ERC2: variants seen among roughly 807,000 people sequenced by gnomAD.
ERC2 encodes the protein ELKS/RAB6-interacting/CAST family member 2.
A neutral mutation model predicts 114.8 loss-of-function variants in ERC2; 42 were observed. The observed-to-expected ratio is 0.37, with a 90% confidence interval of 0.29 to 0.47. ERC2 has a LOEUF of 0.47. Among genes scored for constraint, ERC2 ranks in the 20% least tolerant of loss-of-function variants. ERC2 has a pLI of 0.99. For missense variants in ERC2, 939 were observed against 1,150.7 expected (o/e 0.82, Z 2.66); for synonymous variants, 454 against 425.5 (o/e 1.07, Z -0.82).
At chr3:56,418,258 T>G (rs552170411) in intron 2 of ERC2, among the ~76,000 whole-genome samples, 4 of 145,312 alleles carry the variant, frequency 2.8e-5, no homozygotes, top group Non-Finnish European at 5.9e-5. Flanking sequence ...TGATTGCCAC[T>G]GCACCCCAGC....
intron 17 of ERC2, among the ~76,000 whole-genome samples, chr3:55,551,366 T>C (rs1410401325): frequency 6.6e-6 from 1 of 150,642 alleles, no homozygotes; most frequent in Non-Finnish European, 1.5e-5. Context: ...CTACTGAAAA[T>C]ACAAAAACTA....
At chr3:55,594,055 A>G (rs1188919044) in intron 17 of ERC2, among the ~76,000 whole-genome samples, 1 of 152,110 alleles carries the variant, frequency 6.6e-6, no homozygotes, top group Non-Finnish European at 1.5e-5. Flanking sequence ...TGTGCCTGGA[A>G]CTGTCTCCCT....
At chr3:55,521,491 A>T (rs539967047) in intron 17 of ERC2, among the ~76,000 whole-genome samples, 1 of 152,218 alleles carries the variant, frequency 6.6e-6, no homozygotes, top group East Asian at 1.9e-4. Flanking sequence ...TTGGAGAAGA[A>T]GAGAGAGAGA....
intron 2 of ERC2, among the ~76,000 whole-genome samples, chr3:56,397,104 C>T (rs1010789825): frequency 1.8e-4 from 28 of 152,292 alleles, no homozygotes; most frequent in African/African-American, 6.7e-4. Flanking sequence ...GTTTCAGCAG[C>T]ATGTCGGGGC....
At chr3:56,322,638 G>A (rs976307341) in intron 2 of ERC2, among the ~76,000 whole-genome samples, 6 of 151,752 alleles carry the variant, frequency 4.0e-5, no homozygotes, top group Middle Eastern at 6.8e-3. Context: ...GATGTAGAAC[G>A]AGGTGAGCAT....
At chr3:55,990,047 A>T (rs2070935065) in intron 11 of ERC2, among the ~76,000 whole-genome samples, 1 of 152,172 alleles carries the variant, frequency 6.6e-6, no homozygotes, top group Non-Finnish European at 1.5e-5. Flanking sequence ...AAGAGACATG[A>T]TCATAACTTT....
intron 7 of ERC2, among the ~76,000 whole-genome samples, chr3:56,046,957 C>A (rs1477915040): frequency 2.0e-5 from 3 of 152,166 alleles, no homozygotes; most frequent in Admixed American, 2.0e-4. Flanking sequence ...AGATTCATTC[C>A]GCTAGTGGAA....
chr3:56,331,248 A>G lies in ERC2; in HGVS notation c.658-34813T>C, dbSNP rs201237847. 3.2e-3 allele frequency among the ~76,000 whole-genome samples: 489 copies of G among 152,174 alleles called. 10 individuals carry two copies. The East Asian group carries it at 0.061, about 19-fold the overall frequency. On this transcript the variant is annotated intron_variant, in intron 2 of 17. Coordinates refer to ENST00000288221, the MANE Select transcript of ERC2 (RefSeq NM_015576.3). ...CTAAAGTTCTTCATCCCTGCCCTTT[A>G]TTGTCTAAGTCTTTGATCTGCCTTT... is the stretch of plus-strand genomic sequence containing the variant.
intron 2 of ERC2, among the ~76,000 whole-genome samples, chr3:56,394,980 CA>C (rs568748125): frequency 2.8e-4 from 42 of 148,744 alleles, no homozygotes; most frequent in Admixed American, 2.1e-3. Flanking sequence ...TATCTGGCAA[CA>C]AAAGGAATAA....
intron 10 of ERC2, among the ~76,000 whole-genome samples, chr3:56,006,346 A>T (rs1457185620): frequency 2.6e-5 from 4 of 152,040 alleles, no homozygotes; most frequent in Admixed American, 2.6e-4. Flanking sequence ...ATAAATCCCC[A>T]TCCCGGTGTG....
chr3:56,465,226 C>T (rs2063489778), intron 1 of ERC2, among the ~76,000 whole-genome samples: 1 of 152,100 alleles, frequency 6.6e-6, no homozygotes, highest in Non-Finnish European at 1.5e-5. Context: ...TGGTGAAACC[C>T]AGTCTGTACT....
chr3:56,155,999 A>G (rs1459481238), intron 4 of ERC2, among the ~76,000 whole-genome samples: 1 of 152,158 alleles, frequency 6.6e-6, no homozygotes, highest in Non-Finnish European at 1.5e-5. Context: ...CTAGGTTCTG[A>G]AAGCGAGTCA....
At chr3:55,921,176 A>G (rs912894867) in intron 13 of ERC2, among the ~76,000 whole-genome samples, 3 of 152,172 alleles carry the variant, frequency 2.0e-5, no homozygotes, top group African/African-American at 7.2e-5. Context: ...TAGCGGCTTC[A>G]ATTGAATCAG....
intron 1 of ERC2, among the ~76,000 whole-genome samples, chr3:56,459,104 C>T (rs1195494304): frequency 6.6e-6 from 1 of 152,170 alleles, no homozygotes; most frequent in Non-Finnish European, 1.5e-5. Flanking sequence ...GCTCCCAGAC[C>T]CCAAACCCAC....
chr3:55,822,203 C>T (rs1227243917), intron 14 of ERC2, among the ~76,000 whole-genome samples: 1 of 152,102 alleles, frequency 6.6e-6, no homozygotes, highest in Non-Finnish European at 1.5e-5. Context: ...TGCAGTTGTT[C>T]AAGAGATTGT....
intron 2 of ERC2, among the ~76,000 whole-genome samples, chr3:56,299,324 T>A (rs981600909): frequency 6.0e-5 from 9 of 151,050 alleles, no homozygotes; most frequent in African/African-American, 2.0e-4. Context: ...GAGACAGGGT[T>A]TCACAGTGTT....
chr3:56,450,167 A>C (rs2062765680), intron 1 of ERC2, among the ~76,000 whole-genome samples: 1 of 152,216 alleles, frequency 6.6e-6, no homozygotes, highest in African/African-American at 2.4e-5. Context: ...TTCTCCAAAA[A>C]GCTCTATGAA....
At position 56,159,921 on chromosome 3, in the gene ERC2, T is replaced by C. The variant is rs142358957; in HGVS notation, c.1150-10789A>G. 2.1e-3 allele frequency among the ~76,000 whole-genome samples: 318 copies of C among 152,336 alleles called. 1 individual carries two copies. The highest frequency in any genetic ancestry group is 7.3e-3 in the African/African-American group (303 of 41,588). On this transcript the variant is annotated intron_variant, in intron 4 of 17. Coordinates refer to ENST00000288221, the MANE Select transcript of ERC2 (RefSeq NM_015576.3). ...ATCTAGTACACCATTAATGGGCACC[T>C]AGGTTGATTGCATGTCTTTGCTATG...
At chr3:56,231,205 A>T (rs2050595954) in intron 3 of ERC2, among the ~76,000 whole-genome samples, 1 of 152,218 alleles carries the variant, frequency 6.6e-6, no homozygotes, top group Admixed American at 6.5e-5. Context: ...GTGGTGCTCC[A>T]ATACCCTGGA....
Sources: allele counts gnomAD v4.1 joint callset (sites outside exome capture counted in the v4.1 genomes callset), GRCh38; gene constraint gnomAD v4.1.1; transcripts MANE v1.5; gene names NCBI Gene and HGNC (gene_info 2026-07-23, HGNC 2026-07-21).